Variants in ADAMTSL1 observed in about 807,000 individuals in gnomAD.
ADAMTSL1 encodes ADAMTS-like protein 1.
A neutral mutation model predicts 201.8 loss-of-function variants in ADAMTSL1; 126 were observed. That is an observed-to-expected ratio of 0.62 (90% CI 0.54 to 0.72). The LOEUF (loss-of-function observed/expected upper bound fraction) is 0.72. ADAMTSL1 is among the 30% of genes least tolerant of loss of function. The pLI is 0.00. For missense variants in ADAMTSL1, 2,679 were observed against 2,277.8 expected, an observed-to-expected ratio of 1.18 and a Z score of -3.59; for synonymous variants, 1,121 against 903.4, an observed-to-expected ratio of 1.24 and a Z score of -4.32.
At chr9:18,434,196 T>G in intron 2 of ADAMTSL1, among the ~76,000 whole-genome samples, 1 of 152,174 alleles carries the variant, frequency 6.6e-6, no homozygotes, top group East Asian at 1.9e-4. Flanking sequence ...GTTTTTAAAA[T>G]TATCTTATTT....
At chr9:18,265,717 G>T (rs894865549) in intron 2 of ADAMTSL1, among the ~76,000 whole-genome samples, 3 of 152,154 alleles carry the variant, frequency 2.0e-5, no homozygotes, top group African/African-American at 7.2e-5. Context: ...TGCCAAAAAT[G>T]TCTTTTAAAA....
chr9:18,681,693 C>CGTGTGT lies in ADAMTSL1; in HGVS notation c.1342-114_1342-113insTGTGTG, dbSNP rs1350885896. ...GTGGTATAAATTTACCAGGAGTCCT[C>CGTGTGT]GTGTGGGGGGGGGGGGCGGGGAAAA... On this transcript the variant is annotated intron_variant, in intron 11 of 28. Transcript: ENST00000380548. 162 of 293,436 alleles carry CGTGTGT rather than the reference C, an allele frequency of 5.5e-4. 4 individuals are homozygous for CGTGTGT. The highest frequency in any genetic ancestry group is 1.6e-3 in the East Asian group (28 of 17,116). The allele number at this position is 293,436 out of a possible 1,614,324, so 18.2% of individuals were successfully genotyped here.
intron 1 of ADAMTSL1, among the ~76,000 whole-genome samples, chr9:18,008,047 A>T (rs1819901954): frequency 6.6e-6 from 1 of 152,044 alleles, no homozygotes; most frequent in Non-Finnish European, 1.5e-5. Context: ...TAGAAAGAAA[A>T]GAAGATATGA....
chr9:18,272,477 A>C (rs1325655488), intron 2 of ADAMTSL1, among the ~76,000 whole-genome samples: 1 of 152,204 alleles, frequency 6.6e-6, no homozygotes, highest in Non-Finnish European at 1.5e-5. Flanking sequence ...TAAAGACTTA[A>C]ATGTTAGACC....
chr9:18,107,337 A>G (rs921128567), intron 1 of ADAMTSL1, among the ~76,000 whole-genome samples: 1 of 152,150 alleles, frequency 6.6e-6, no homozygotes, highest in Non-Finnish European at 1.5e-5. Flanking sequence ...CCAGGATCCT[A>G]ATGAAGATTT....
chr9:18,065,793 C>A (rs1822667282), intron 1 of ADAMTSL1, among the ~76,000 whole-genome samples: 1 of 151,748 alleles, frequency 6.6e-6, no homozygotes, highest in African/African-American at 2.4e-5. Flanking sequence ...CCAGCCTGGC[C>A]AACATGGCAA....
chr9:18,702,423 T>C (rs1276061348), intron 13 of ADAMTSL1, among the ~76,000 whole-genome samples: 1 of 152,254 alleles, frequency 6.6e-6, no homozygotes, highest in East Asian at 1.9e-4. Context: ...CTTCTAACTC[T>C]ATACTAGTCA....
chr9:18,099,146 CT>C lies in ADAMTSL1; in HGVS notation c.88-64713del, dbSNP rs746413112. Among the ~76,000 whole-genome samples the C allele has an allele frequency of 3.2e-4, 47 of 148,148 alleles. 2 individuals are homozygous for C. Among genetic ancestry groups the C allele is most frequent in the Admixed American group, 1.7e-3 (25 of 14,836 alleles). ...TTGTTATTTGTTTGTTTTTGGTGCC[CT>C]TTATATTTGGAGATCCACGTTGCTG... is the stretch of plus-strand genomic sequence containing the variant. On this transcript the variant is annotated intron_variant, in intron 1 of 29. Transcript: ENST00000680146.
At chr9:18,549,551 A>G (rs1349808845) in intron 3 of ADAMTSL1, among the ~76,000 whole-genome samples, 3 of 152,000 alleles carry the variant, frequency 2.0e-5, no homozygotes, top group African/African-American at 7.2e-5. Flanking sequence ...GAGTGTGTAT[A>G]TGTATGTATG....
chr9:18,477,261 G>A (rs575830450), intron 1 of ADAMTSL1, among the ~76,000 whole-genome samples: 2 of 152,268 alleles, frequency 1.3e-5, no homozygotes, highest in African/African-American at 4.8e-5. Flanking sequence ...AATCAAATTT[G>A]CATTTGCCTT....
intron 15 of ADAMTSL1, among the ~76,000 whole-genome samples, chr9:18,739,534 A>C (rs2133538002): frequency 6.6e-6 from 1 of 152,244 alleles, no homozygotes; most frequent in East Asian, 1.9e-4. Context: ...GTTTCAATTT[A>C]TTCAGGCTTC....
chr9:18,487,661 A>G (rs759789540), intron 1 of ADAMTSL1, among the ~76,000 whole-genome samples: 14 of 152,196 alleles, frequency 9.2e-5, no homozygotes, highest in Non-Finnish European at 1.8e-4. Context: ...CCGGTAAGAA[A>G]ACTGAGTACC....
intron 2 of ADAMTSL1, among the ~76,000 whole-genome samples, chr9:18,337,789 C>T (rs373107809): frequency 6.6e-6 from 1 of 152,128 alleles, no homozygotes; most frequent in East Asian, 1.9e-4. Flanking sequence ...CTGGGTTATC[C>T]ACTGTGATTG....
In ADAMTSL1 at chr9:18,136,462, G is replaced by A. The variant is rs140919588; in HGVS notation, c.88-27400G>A. The stretch of plus-strand genomic sequence containing the variant: ...ATTAACACGAAAAACAGTCCCTGAC[G>A]TTGTAGGATGTTAGGAGAGATAACT... On this transcript the variant is annotated intron_variant, in intron 1 of 29. Transcript: ENST00000680146. Among the ~76,000 whole-genome samples the A allele has an allele frequency of 2.2e-3, 340 of 152,180 alleles. 4 individuals are homozygous for A. The highest frequency in any genetic ancestry group is 0.017 in the Admixed American group (263 of 15,272).
chr9:18,759,174 C>G (rs762153688), intron 16 of ADAMTSL1, among the ~76,000 whole-genome samples: 24 of 152,086 alleles, frequency 1.6e-4, no homozygotes, highest in Non-Finnish European at 2.1e-4. Flanking sequence ...TCTCTGGATC[C>G]CTGCCTTGCT....
intron 2 of ADAMTSL1, among the ~76,000 whole-genome samples, chr9:18,452,023 C>A (rs555069492): frequency 8.5e-5 from 13 of 152,218 alleles, no homozygotes; most frequent in Non-Finnish European, 1.8e-4. Flanking sequence ...CGATTCTCCT[C>A]CTTCCTCAGC....
Position 18,389,757 on chromosome 9 carries a change from A to G in ADAMTSL1, c.208-115072A>G, listed in dbSNP as rs183175013. ...AAATAAAAATACAGATGGCCATCAT[A>G]TTATTGTTGGAATAAAAAGTAAATC... On this transcript the variant is annotated intron_variant, in intron 2 of 29. Coordinates refer to the ADAMTSL1 transcript ENST00000680146. 2.1e-4 allele frequency among the ~76,000 whole-genome samples: 31 copies of G among 146,344 alleles called. No individual in the cohort carries two copies. In the Middle Eastern group the frequency reaches 0.01, roughly 48 times the overall value.
chr9:18,123,404 T>C (rs957878938), intron 1 of ADAMTSL1, among the ~76,000 whole-genome samples: 1 of 152,180 alleles, frequency 6.6e-6, no homozygotes, highest in African/African-American at 2.4e-5. Flanking sequence ...GCTTTTGACA[T>C]TAGAGGAAAT....
At chr9:18,033,151 A>G (rs1586923946) in intron 1 of ADAMTSL1, among the ~76,000 whole-genome samples, 1 of 152,110 alleles carries the variant, frequency 6.6e-6, no homozygotes, top group South Asian at 2.1e-4. Context: ...AGGTCTCTTC[A>G]TTCTTCATTT....
Sources: gnomAD v4.1 joint callset for allele counts (sites outside exome capture counted in the v4.1 genomes callset) on GRCh38, gnomAD v4.1.1 for gene constraint, MANE v1.5 for transcripts, NCBI Gene and HGNC (gene_info 2026-07-23, HGNC 2026-07-21) for gene names.